The following NEBL variants were observed in gnomAD, a reference collection of about 807,000 sequenced individuals.
NEBL encodes the protein LIM and SH3 protein 2.
In NEBL, 122 loss-of-function variants were observed where a neutral mutation model predicts 140.2. The ratio of observed to expected loss-of-function variants is 0.87; its 90% CI spans 0.75 to 1.01. The LOEUF (loss-of-function observed/expected upper bound fraction) is 1.01. Among genes scored for constraint, NEBL ranks in the 50% least tolerant of loss-of-function variants. The pLI, the probability that NEBL is intolerant of heterozygous loss-of-function variation, is 0.00. For missense variants in NEBL, 1,365 were observed against 1,231.3 expected, an observed-to-expected ratio of 1.11 and a Z score of -1.62; for synonymous variants, 436 against 398.9, an observed-to-expected ratio of 1.09 and a Z score of -1.11.
At chr10:21,057,030 T>C (rs1835053358) in intron 2 of NEBL, among the ~76,000 whole-genome samples, 1 of 151,882 alleles carries the variant, frequency 6.6e-6, no homozygotes, top group Admixed American at 6.6e-5. Flanking sequence ...AAAAAACAGG[T>C]AGAAAAGTCA....
intron 2 of NEBL, among the ~76,000 whole-genome samples, chr10:21,108,891 G>A (rs922319427): frequency 2.6e-5 from 4 of 152,030 alleles, no homozygotes; most frequent in Admixed American, 1.3e-4. Context: ...TTGGTGAATC[G>A]ATCCCTTTAC....
intron 3 of NEBL, chr10:21,020,114 T>C (rs774289380): frequency 6.2e-7 from 1 of 1,611,500 alleles, no homozygotes; most frequent in Admixed American, 1.7e-5. Context: ...TTCTAGAAGT[T>C]ACCTGACTCT....
At chr10:21,134,845 G>C (rs1409110255) in intron 2 of NEBL, among the ~76,000 whole-genome samples, 1 of 152,178 alleles carries the variant, frequency 6.6e-6, no homozygotes, top group African/African-American at 2.4e-5. Context: ...CCCCTGGAAG[G>C]TACGCTACTC....
At chr10:20,980,658 A>G (rs7914197) in intron 3 of NEBL, among the ~76,000 whole-genome samples, 1 of 151,956 alleles carries the variant, frequency 6.6e-6, no homozygotes, top group Admixed American at 6.6e-5. Context: ...ACCAGTGTGA[A>G]GGCAAAGATC....
chr10:21,141,246 G>C (rs2132097839), intron 2 of NEBL, among the ~76,000 whole-genome samples: 1 of 152,242 alleles, frequency 6.6e-6, no homozygotes, highest in African/African-American at 2.4e-5. Flanking sequence ...CTGTAGATTA[G>C]ATAATATGAC....
chr10:20,922,249 T>C (rs552233237), intron 4 of NEBL, among the ~76,000 whole-genome samples: 1 of 152,300 alleles, frequency 6.6e-6, no homozygotes, highest in South Asian at 2.1e-4. Context: ...CCTCACTGAC[T>C]CCTCTCTGTG....
chr10:21,090,076 C>G (rs1836839806), intron 2 of NEBL, among the ~76,000 whole-genome samples: 1 of 152,150 alleles, frequency 6.6e-6, no homozygotes, highest in Non-Finnish European at 1.5e-5. Context: ...CCAAACATGG[C>G]CAAAGGCATC....
intron 4 of NEBL, among the ~76,000 whole-genome samples, chr10:20,938,526 G>A (rs943363347): frequency 7.2e-5 from 11 of 152,158 alleles, no homozygotes; most frequent in African/African-American, 2.7e-4. Flanking sequence ...CTAAAAATCA[G>A]AGCGCCTCTT....
intron 2 of NEBL, among the ~76,000 whole-genome samples, chr10:21,121,185 T>C (rs12241391): frequency 0.017 from 2,551 of 152,232 alleles, 50 homozygotes; most frequent in African/African-American, 0.059. Context: ...ATGGCTTCAG[T>C]TCAAAGAAGG....
intron 27 of NEBL, among the ~76,000 whole-genome samples, chr10:20,786,342 C>T (rs775617781): frequency 7.2e-5 from 11 of 152,072 alleles, no homozygotes; most frequent in Non-Finnish European, 1.6e-4. Flanking sequence ...ATGTTCATTT[C>T]CTCTTAAAAC....
chr10:21,203,820 G>A (rs1390449709), intron 3 of NEBL, among the ~76,000 whole-genome samples: 1 of 152,162 alleles, frequency 6.6e-6, no homozygotes, highest in Non-Finnish European at 1.5e-5. Context: ...GGATGACTGT[G>A]CCAGAGACTT....
chr10:21,172,541 A>C, intron 1 of NEBL: 2 of 1,255,486 alleles, frequency 1.6e-6, no homozygotes, highest in Admixed American at 1.8e-5. Context: ...GGATGGGCAC[A>C]GAAGGAAGGC....
chr10:21,067,183 G>C (rs999344265), intron 2 of NEBL, among the ~76,000 whole-genome samples: 2 of 151,990 alleles, frequency 1.3e-5, no homozygotes, highest in Admixed American at 1.3e-4. Flanking sequence ...GTGTTAGCCA[G>C]GATGGTCTCG....
intron 2 of NEBL, among the ~76,000 whole-genome samples, chr10:21,128,419 A>AT (rs1456755571): frequency 3.3e-5 from 5 of 152,210 alleles, no homozygotes; most frequent in African/African-American, 1.2e-4. Context: ...CCCCAAGAGC[A>AT]TTTCAAATAC....
At chr10:20,869,384 CA>C (rs1435556495) in intron 6 of NEBL, among the ~76,000 whole-genome samples, 1 of 152,124 alleles carries the variant, frequency 6.6e-6, no homozygotes, top group Non-Finnish European at 1.5e-5. Context: ...AATATGGAAA[CA>C]AGGCCAAGCA....
intron 2 of NEBL, among the ~76,000 whole-genome samples, chr10:21,155,172 C>A (rs1210724036): frequency 6.6e-6 from 1 of 152,158 alleles, no homozygotes; most frequent in African/African-American, 2.4e-5. Context: ...GCACTCCAGC[C>A]TCGGCGACAG....
intron 2 of NEBL, among the ~76,000 whole-genome samples, chr10:21,161,799 C>A (rs1478923681): frequency 6.6e-6 from 1 of 152,062 alleles, no homozygotes; most frequent in African/African-American, 2.4e-5. Flanking sequence ...GTGAAGCATG[C>A]CTGTTGTATA....
In NEBL at chr10:20,828,516, T is replaced by A. The variant is rs1840098007; in HGVS notation, c.1776+14A>T. 1 of 1,519,356 alleles carries A rather than the reference T, an allele frequency of 6.6e-7. No homozygotes were observed. Among genetic ancestry groups the A allele is most frequent in the Non-Finnish European group, 9.1e-7 (1 of 1,094,466 alleles). The allele number at this position is 1,519,356 out of a possible 1,614,324, so 94.1% of individuals were successfully genotyped here. The stretch of plus-strand genomic sequence containing the variant: ...TTTCAAGGTGGCAACTTAAAAGAAG[T>A]AATGGCTACTCACCGCACTAATGTT... On this transcript the variant is annotated intron_variant, in intron 17 of 27. Coordinates refer to ENST00000377122, the MANE Select transcript of NEBL (RefSeq NM_006393.3).
intron 4 of NEBL, among the ~76,000 whole-genome samples, chr10:20,954,304 A>G (rs777526467): frequency 1.3e-5 from 2 of 152,180 alleles, no homozygotes; most frequent in Non-Finnish European, 2.9e-5. Flanking sequence ...AAAAATAAAA[A>G]TATTTGTTGA....
Sources: allele counts gnomAD v4.1 joint callset (sites outside exome capture counted in the v4.1 genomes callset), GRCh38; gene constraint gnomAD v4.1.1; transcripts MANE v1.5; gene names NCBI Gene and HGNC (gene_info 2026-07-23, HGNC 2026-07-21).